The following KIF16B variants were observed in gnomAD, a reference collection of about 807,000 sequenced individuals.
KIF16B encodes kinesin family member 16B, also known as kinesin-like protein KIF16B.
A neutral mutation model predicts 156.3 loss-of-function variants in KIF16B; 98 were observed. The ratio of observed to expected loss-of-function variants is 0.63; its 90% CI spans 0.53 to 0.74. The LOEUF (loss-of-function observed/expected upper bound fraction) is 0.74, where lower values mean the gene tolerates loss of function less well. Ranked by LOEUF, KIF16B falls within the 30% of genes least tolerant of loss-of-function variation. The pLI is 0.00. For synonymous variants in KIF16B, 564 were observed against 583.7 expected, an observed-to-expected ratio of 0.97 and a Z score of 0.49; for missense variants, 1,421 against 1,606.5, an observed-to-expected ratio of 0.88 and a Z score of 1.97.
At chr20:16,425,392 A>G (rs2066326339) in intron 15 of KIF16B, among the ~76,000 whole-genome samples, 2 of 152,174 alleles carry the variant, frequency 1.3e-5, no homozygotes. Flanking sequence ...AAGAAGAGAA[A>G]GTTCTTACAA....
At chr20:16,355,291 C>A (rs1220099660) in intron 23 of KIF16B, among the ~76,000 whole-genome samples, 4 of 152,128 alleles carry the variant, frequency 2.6e-5, no homozygotes, top group Non-Finnish European at 2.9e-5. Flanking sequence ...CTGCCTTTTA[C>A]GGTGTCCTTC....
chr20:16,440,592 C>A (rs2066772975), intron 12 of KIF16B, among the ~76,000 whole-genome samples: 1 of 143,470 alleles, frequency 7.0e-6, no homozygotes, highest in Non-Finnish European at 1.5e-5. Flanking sequence ...CACAGGTACA[C>A]ATTTAGAACC....
At chr20:16,420,280 A>C (rs1450802837) in intron 15 of KIF16B, among the ~76,000 whole-genome samples, 1 of 152,180 alleles carries the variant, frequency 6.6e-6, no homozygotes. Flanking sequence ...AATCTGACAT[A>C]AGTGAGGCAG....
At chr20:16,444,541 C>G (rs1201063335) in intron 12 of KIF16B, among the ~76,000 whole-genome samples, 1 of 152,146 alleles carries the variant, frequency 6.6e-6, no homozygotes, top group Non-Finnish European at 1.5e-5. Context: ...GTACTTGCGA[C>G]ACAGGTGGCG....
At chr20:16,293,004 A>G (rs1489559497) in intron 25 of KIF16B, among the ~76,000 whole-genome samples, 2 of 152,266 alleles carry the variant, frequency 1.3e-5, no homozygotes, top group Non-Finnish European at 2.9e-5. Flanking sequence ...CGAGACAGAA[A>G]GACAAAGCAA....
chr20:16,395,117 A>C, intron 17 of KIF16B, among the ~76,000 whole-genome samples: 1 of 138,586 alleles, frequency 7.2e-6, no homozygotes, highest in African/African-American at 2.8e-5. Flanking sequence ...GTGTCTTCTT[A>C]CTCTCTCCCT....
intron 1 of KIF16B, among the ~76,000 whole-genome samples, chr20:16,531,190 A>G (rs977273304): frequency 6.6e-6 from 1 of 152,210 alleles, no homozygotes; most frequent in African/African-American, 2.4e-5. Flanking sequence ...TTAAGCACAT[A>G]AACTCATAAC....
chr20:16,363,716 T>C lies in KIF16B; in HGVS notation c.3498+6870A>G, dbSNP rs556041871. 3.6e-4 allele frequency among the ~76,000 whole-genome samples: 55 copies of C among 152,312 alleles called. No individual in the cohort carries two copies. The South Asian group carries it at 6.4e-3, about 18-fold the overall frequency. On this transcript the variant is annotated intron_variant, in intron 22 of 25. Coordinates refer to ENST00000354981, the MANE Select transcript of KIF16B (RefSeq NM_024704.5). ...CTTCTGAATAGGTCCCAAAATGATATGTGTGGAGCAGACCGACCCTGGTTG... is the reference window on the plus strand; with the variant it reads ...CTTCTGAATAGGTCCCAAAATGATACGTGTGGAGCAGACCGACCCTGGTTG...
chr20:16,306,208 A>G (rs1395707119), intron 25 of KIF16B, among the ~76,000 whole-genome samples: 1 of 152,146 alleles, frequency 6.6e-6, no homozygotes, highest in African/African-American at 2.4e-5. Context: ...CATCGCTTTA[A>G]AATACATCCC....
At chr20:16,299,353 A>G (rs116718788) in intron 25 of KIF16B, among the ~76,000 whole-genome samples, 1,527 of 152,270 alleles carry the variant, frequency 0.01, 29 homozygotes, top group African/African-American at 0.035. Context: ...ACATATTGTC[A>G]TAAAATGAAA....
intron 11 of KIF16B, among the ~76,000 whole-genome samples, chr20:16,494,839 T>C (rs1255471174): frequency 6.6e-6 from 1 of 152,214 alleles, no homozygotes; most frequent in African/African-American, 2.4e-5. Flanking sequence ...CATTCTATCT[T>C]TTTTTGTTGT....
intron 12 of KIF16B, among the ~76,000 whole-genome samples, chr20:16,442,430 TAC>T (rs1555773763): frequency 3.3e-5 from 5 of 151,166 alleles, no homozygotes; most frequent in Non-Finnish European, 5.9e-5. Context: ...TATATATATA[TAC>T]ATGATGAATA....
chr20:16,391,223 A>T (rs2065356696), intron 17 of KIF16B, among the ~76,000 whole-genome samples: 1 of 152,152 alleles, frequency 6.6e-6, no homozygotes, highest in Non-Finnish European at 1.5e-5. Context: ...ATAACAGGGA[A>T]GTTAGACTGT....
chr20:16,379,491 C>G lies in KIF16B; in HGVS notation c.2511G>C (p.Val837=). 6.2e-7 allele frequency: 1 copy of G among 1,614,124 alleles called. No individual in the cohort carries two copies. Among genetic ancestry groups the G allele is most frequent in the South Asian group, 1.1e-5 (1 of 91,078 alleles). Residue 837 remains valine, a synonymous_variant, in exon 19 of 26, where the codon GTG becomes GTC. Coordinates refer to ENST00000354981, the MANE Select transcript of KIF16B (RefSeq NM_024704.5). ...EFKRRQLVKL[V]NLEKDLVQQK... is the part of the protein sequence containing the mutation. ...GCTGAACCAGGTCCTTCTCCAAGTT[C>G]ACTAGCTTGACAAGCTGCCTTCTCT... is the stretch of plus-strand genomic sequence containing the variant.
At chr20:16,515,756 T>C (rs1316688150) in intron 3 of KIF16B, 92 bp from the exon 4 acceptor site, 7 of 714,604 alleles carry the variant, frequency 9.8e-6, no homozygotes. Flanking sequence ...AATGATACTT[T>C]CAGCTCTTAA....
At chr20:16,567,883 C>T (rs1381864413) in intron 1 of KIF16B, among the ~76,000 whole-genome samples, 1 of 152,084 alleles carries the variant, frequency 6.6e-6, no homozygotes, top group African/African-American at 2.4e-5. Flanking sequence ...ACCCGGGAGG[C>T]GGAGCTTGCA....
At chr20:16,534,704 A>T (rs958770768) in intron 1 of KIF16B, among the ~76,000 whole-genome samples, 1 of 152,046 alleles carries the variant, frequency 6.6e-6, no homozygotes, top group Admixed American at 6.6e-5. Context: ...TGAGAGATGG[A>T]GGTCATGTTT....
At chr20:16,330,623 G>A (rs1325300061) in intron 24 of KIF16B, among the ~76,000 whole-genome samples, 1 of 152,212 alleles carries the variant, frequency 6.6e-6, no homozygotes, top group Non-Finnish European at 1.5e-5. Flanking sequence ...ACAGGATTCT[G>A]GAAACCTGAT....
At chr20:16,273,769 A>G (rs561065449) in intron 25 of KIF16B, among the ~76,000 whole-genome samples, 3 of 152,130 alleles carry the variant, frequency 2.0e-5, no homozygotes, top group Non-Finnish European at 2.9e-5. Context: ...CTTCCCACCC[A>G]CCTGGAAAGT....
Sources: gnomAD v4.1 joint callset for allele counts (sites outside exome capture counted in the v4.1 genomes callset) on GRCh38, gnomAD v4.1.1 for gene constraint, MANE v1.5 for transcripts, NCBI Gene and HGNC (gene_info 2026-07-23, HGNC 2026-07-21) for gene names.